Variants in FRMD4A observed in about 807,000 individuals in gnomAD.
FRMD4A encodes FERM domain-containing protein 4A.
A neutral mutation model predicts 129.1 loss-of-function variants in FRMD4A; 29 were observed. That is an observed-to-expected ratio of 0.22 (90% CI 0.17 to 0.31). FRMD4A has a LOEUF of 0.31. FRMD4A is among the 10% of genes least tolerant of loss of function. FRMD4A has a pLI of 1.00. For missense variants in FRMD4A, 1,272 were observed against 1,375.8 expected (o/e 0.92, Z 1.19); for synonymous variants, 634 against 571.6 (o/e 1.11, Z -1.56).
chr10:14,186,377 C>G (rs1237457725), intron 2 of FRMD4A, among the ~76,000 whole-genome samples: 3 of 152,288 alleles, frequency 2.0e-5, no homozygotes, highest in Admixed American at 1.3e-4. Flanking sequence ...CAAGACCTTT[C>G]TAGGTTTCCC....
rs1353278557 is a variant in FRMD4A, at chr10:13,958,325, C to T, written c.46-99413G>A. Among the ~76,000 whole-genome samples, 32 of 149,004 alleles carry T rather than the reference C, an allele frequency of 2.1e-4. 1 individual carries two copies. Among genetic ancestry groups the T allele is most frequent in the African/African-American group, 7.7e-4 (31 of 40,052 alleles). ...TTGGAGACGGAGTCTCGCTCGTCGCCCAGGCTGGAGTGCAGTGGCGCGATC... is the reference window on the plus strand; with the variant it reads ...TTGGAGACGGAGTCTCGCTCGTCGCTCAGGCTGGAGTGCAGTGGCGCGATC... On this transcript the variant is annotated intron_variant, in intron 2 of 24. Transcript: ENST00000357447.
At chr10:13,658,972 G>C (rs754745957) in intron 21 of FRMD4A, among the ~76,000 whole-genome samples, 3 of 150,914 alleles carry the variant, frequency 2.0e-5, no homozygotes, top group Admixed American at 6.6e-5. Context: ...TTTACATTTT[G>C]AGGCACTAAA....
intron 2 of FRMD4A, among the ~76,000 whole-genome samples, chr10:14,111,639 A>G (rs1837906388): frequency 1.3e-5 from 2 of 152,156 alleles, no homozygotes; most frequent in Admixed American, 1.3e-4. Context: ...TCATACATAT[A>G]AGAAATGTCT....
At chr10:14,165,485 T>C (rs910191909) in intron 2 of FRMD4A, among the ~76,000 whole-genome samples, 1 of 152,214 alleles carries the variant, frequency 6.6e-6, no homozygotes, top group Non-Finnish European at 1.5e-5. Flanking sequence ...ATAGAACTAC[T>C]ATTCGACCCA....
At chr10:14,111,388 A>G (rs1466217972) in intron 2 of FRMD4A, among the ~76,000 whole-genome samples, 1 of 152,206 alleles carries the variant, frequency 6.6e-6, no homozygotes, top group African/African-American at 2.4e-5. Flanking sequence ...ACTGAGAATG[A>G]TGAAATAACA....
intron 2 of FRMD4A, among the ~76,000 whole-genome samples, chr10:14,229,675 GC>G (rs2131985618): frequency 6.6e-6 from 1 of 152,266 alleles, no homozygotes; most frequent in African/African-American, 2.4e-5. Flanking sequence ...GCGGGCACAA[GC>G]CGTCCTCCCA....
At chr10:14,174,200 T>A (rs1172892337) in intron 2 of FRMD4A, among the ~76,000 whole-genome samples, 1 of 151,958 alleles carries the variant, frequency 6.6e-6, no homozygotes, top group East Asian at 1.9e-4. Flanking sequence ...CTAACTTGAA[T>A]CCCCAGCGCC....
rs139178357 is a variant in FRMD4A at position 14,251,470 on chromosome 10, G to A, written c.45+78588C>T. Among the ~76,000 whole-genome samples the A allele has an allele frequency of 1.7e-4, 26 of 152,244 alleles. No individual in the cohort carries two copies. The East Asian group carries it at 1.9e-3, about 11-fold the overall frequency. ...TGAAACTGCAGCCCCAGTCAAATGCGTCACTACAACCTTCAGGAATGATCT... is the reference window on the plus strand; with the variant it reads ...TGAAACTGCAGCCCCAGTCAAATGCATCACTACAACCTTCAGGAATGATCT... On this transcript the variant is annotated intron_variant, in intron 2 of 24. Transcript: ENST00000357447.
intron 2 of FRMD4A, among the ~76,000 whole-genome samples, chr10:14,062,531 A>G (rs941052949): frequency 4.6e-5 from 7 of 152,248 alleles, no homozygotes; most frequent in Non-Finnish European, 1.0e-4. Flanking sequence ...TAAGAAAGCA[A>G]TACAAATAAG....
At chr10:14,125,105 C>T (rs920408512) in intron 2 of FRMD4A, among the ~76,000 whole-genome samples, 1 of 152,152 alleles carries the variant, frequency 6.6e-6, no homozygotes, top group African/African-American at 2.4e-5. Flanking sequence ...CACCGGAATG[C>T]AGCAGAAGTA....
intron 5 of FRMD4A, among the ~76,000 whole-genome samples, chr10:13,789,308 G>A (rs1442542983): frequency 6.6e-6 from 1 of 152,080 alleles, no homozygotes; most frequent in Non-Finnish European, 1.5e-5. Flanking sequence ...CCAAGAATCC[G>A]GCCTGTGGAC....
chr10:13,658,473 G>C (rs1328551433), intron 21 of FRMD4A, among the ~76,000 whole-genome samples: 1 of 152,228 alleles, frequency 6.6e-6, no homozygotes, highest in South Asian at 2.1e-4. Flanking sequence ...ACTTCACAGC[G>C]GCCCCACGGG....
At chr10:14,039,435 T>C (rs963300849) in intron 2 of FRMD4A, among the ~76,000 whole-genome samples, 20 of 150,470 alleles carry the variant, frequency 1.3e-4, no homozygotes, top group African/African-American at 3.7e-4. Flanking sequence ...TCTATCTATA[T>C]TGGAACCCCA....
At chr10:13,992,115 A>C (rs1287422719) in intron 2 of FRMD4A, 1 of 152,244 alleles carries the variant, frequency 6.6e-6, no homozygotes, top group African/African-American at 2.4e-5. Context: ...AAAAAGCCTC[A>C]GAAGCGTGCT....
rs141746781 is a variant in FRMD4A, at chr10:14,087,778, ACAGCCTGTCGG to A, written c.46-228877_46-228867del. On this transcript the variant is annotated intron_variant, in intron 2 of 24. Transcript: ENST00000357447. ...GACTCAGAAGATGGCTATGATTTCA[ACAGCCTGTCGG>A]CAGCACGGATTTCAGAGTAACTTAC... 7.5e-3 allele frequency among the ~76,000 whole-genome samples: 1,138 copies of A among 152,340 alleles called. 11 individuals carry two copies. The highest frequency in any genetic ancestry group is 0.026 in the African/African-American group (1,078 of 41,574).
chr10:13,968,026 T>A (rs1258429877), intron 2 of FRMD4A, among the ~76,000 whole-genome samples: 1 of 152,112 alleles, frequency 6.6e-6, no homozygotes, highest in Non-Finnish European at 1.5e-5. Context: ...GCGGGGGCGC[T>A]TAAGACATTT....
chr10:13,695,086 T>TA (rs2086087501), intron 14 of FRMD4A, among the ~76,000 whole-genome samples: 2 of 152,046 alleles, frequency 1.3e-5, no homozygotes, highest in Admixed American at 6.6e-5. Flanking sequence ...CAGGTAAGAA[T>TA]AATTAGAAAA....
At chr10:13,813,616 A>G (rs2093486237) in intron 3 of FRMD4A, among the ~76,000 whole-genome samples, 1 of 152,238 alleles carries the variant, frequency 6.6e-6, no homozygotes, top group South Asian at 2.1e-4. Context: ...AAACACTGCC[A>G]CTGGCCTACA....
At chr10:13,770,615 A>C (rs1313824257) in intron 6 of FRMD4A, among the ~76,000 whole-genome samples, 3 of 151,550 alleles carry the variant, frequency 2.0e-5, no homozygotes, top group Non-Finnish European at 4.4e-5. Context: ...AGCTAATTTT[A>C]GTTTTTTTGT....
Sources: allele counts gnomAD v4.1 joint callset (sites outside exome capture counted in the v4.1 genomes callset), GRCh38; gene constraint gnomAD v4.1.1; transcripts MANE v1.5; gene names NCBI Gene and HGNC (gene_info 2026-07-23, HGNC 2026-07-21).